ADAMTS9: variants seen among roughly 807,000 people sequenced by gnomAD.
ADAMTS9 encodes A disintegrin and metalloproteinase with thrombospondin motifs 9.
In ADAMTS9, 107 loss-of-function variants were observed where a neutral mutation model predicts 257.1. The ratio of observed to expected loss-of-function variants is 0.42; its 90% CI spans 0.36 to 0.49. ADAMTS9 has a LOEUF of 0.49. Ranked by LOEUF, ADAMTS9 falls within the 20% of genes least tolerant of loss-of-function variation. ADAMTS9 has a pLI of 0.03. For missense variants in ADAMTS9, 2,353 were observed against 2,469.1 expected, an observed-to-expected ratio of 0.95 and a Z score of 1.00; for synonymous variants, 982 against 880.9, an observed-to-expected ratio of 1.11 and a Z score of -2.03.
At chr3:64,602,315 T>C in intron 25 of ADAMTS9, 102 bp from the exon 26 acceptor site, 2 of 1,395,820 alleles carry the variant, frequency 1.4e-6, no homozygotes, top group South Asian at 2.7e-5. Context: ...TTTCCCAAAT[T>C]GCTCAGGCCA....
chr3:64,528,526 C>G (rs114827491), intron 38 of ADAMTS9, among the ~76,000 whole-genome samples: 469 of 152,224 alleles, frequency 3.1e-3, no homozygotes, highest in Non-Finnish European at 5.2e-3. Context: ...CTGAAGTCCA[C>G]CCCCAACCAA....
intron 28 of ADAMTS9, among the ~76,000 whole-genome samples, chr3:64,577,902 T>C (rs2083893131): frequency 1.3e-5 from 2 of 152,218 alleles, no homozygotes; most frequent in African/African-American, 2.4e-5. Flanking sequence ...TTCAGTTGCT[T>C]CCTCCAGTCT....
At chr3:64,655,116 T>C (rs145210754) in intron 6 of ADAMTS9, among the ~76,000 whole-genome samples, 41 of 152,344 alleles carry the variant, frequency 2.7e-4, no homozygotes, top group African/African-American at 9.4e-4. Context: ...TTTTAAAAAA[T>C]TCATTTTTCT....
At chr3:64,585,714 A>G (rs2084131519) in intron 28 of ADAMTS9, among the ~76,000 whole-genome samples, 1 of 152,140 alleles carries the variant, frequency 6.6e-6, no homozygotes, top group South Asian at 2.1e-4. Context: ...CTACTAAATA[A>G]AGAAAATACC....
rs1325421266 is a variant in ADAMTS9, at chr3:64,616,001, C to T, written c.2983G>A (p.Glu995Lys). ...KPSNREKCSG[E>K]CNTGGWRYSA... ...TAGCGCCAGCCACCCGTGTTACATT[C>T]CCCTGAGCATTTTTCACGGTTGCTT... is the stretch of plus-strand genomic sequence containing the variant. Residue 995 changes from glutamate (E) to lysine (K), a missense_variant, in exon 20 of 40, where the codon GAA becomes AAA. Around this residue, in one of 3 missense-constraint regions of ADAMTS9, gnomAD observed 1,402 missense variants for 1,441.4 expected, o/e 0.97. Coordinates refer to ENST00000498707, the MANE Select transcript of ADAMTS9 (RefSeq NM_182920.2). The T allele has an allele frequency of 3.1e-6, 5 of 1,613,766 alleles. No individual in the cohort carries two copies. In the African/African-American group the frequency reaches 5.3e-5, roughly 17 times the overall value.
At chr3:64,573,090 A>T (rs905319854) in intron 28 of ADAMTS9, among the ~76,000 whole-genome samples, 2 of 146,002 alleles carry the variant, frequency 1.4e-5, no homozygotes, top group Non-Finnish European at 3.0e-5. Flanking sequence ...AAAAAAAAAA[A>T]AAAAAAAAAT....
intron 37 of ADAMTS9, 137 bp from the exon 38 acceptor site, chr3:64,533,407 T>C (rs1422713384): frequency 1.6e-5 from 11 of 681,174 alleles, no homozygotes; most frequent in Non-Finnish European, 2.8e-5. Flanking sequence ...TAATTATTGA[T>C]AGTATTTAGT....
chr3:64,517,264 C>T (rs1248974398), intron 39 of ADAMTS9, 143 bp from the exon 40 acceptor site: 1 of 151,890 alleles, frequency 6.6e-6, no homozygotes, highest in East Asian at 1.9e-4. Flanking sequence ...TTTTCTGAGT[C>T]ACAGTCTCAC....
At chr3:64,621,312 GCAA>G (rs1700097941) in intron 18 of ADAMTS9, 72 bp from the exon 19 acceptor site, 3 of 1,494,510 alleles carry the variant, frequency 2.0e-6, no homozygotes, top group Admixed American at 2.0e-5. Context: ...CCCCGGATTG[GCAA>G]GCATTTTCTC....
intron 22 of ADAMTS9, among the ~76,000 whole-genome samples, chr3:64,609,735 C>A (rs1255624603): frequency 6.6e-6 from 1 of 152,036 alleles, no homozygotes; most frequent in Non-Finnish European, 1.5e-5. Context: ...CAGTGAAATC[C>A]CAATCAAAAT....
At chr3:64,681,173 G>C (rs1288621257) in intron 3 of ADAMTS9, 28 bp downstream of exon 3, 1 of 1,601,656 alleles carries the variant, frequency 6.2e-7, no homozygotes, top group Admixed American at 1.7e-5. Context: ...AAAGAGCTGG[G>C]CTCTCCGCTT....
At chr3:64,580,080 G>A (rs966691518) in intron 28 of ADAMTS9, among the ~76,000 whole-genome samples, 3 of 152,098 alleles carry the variant, frequency 2.0e-5, no homozygotes, top group African/African-American at 7.2e-5. Context: ...TCATCTTAGA[G>A]TGACATTTTT....
rs1701909859 is a variant in ADAMTS9, at chr3:64,686,459, G to A, written c.516+109C>T. 1.4e-6 allele frequency: 2 copies of A among 1,381,044 alleles called. No individual in the cohort carries two copies. Among genetic ancestry groups the A allele is most frequent in the Non-Finnish European group, 1.9e-6 (2 of 1,036,566 alleles). 85.5% of individuals were successfully genotyped at this position (1,381,044 alleles called of 1,614,324 possible). On this transcript the variant is annotated intron_variant, in intron 2 of 39. Coordinates refer to ENST00000498707, the MANE Select transcript of ADAMTS9 (RefSeq NM_182920.2). This position sits in a 1 kb window ranked among gnomAD's most constrained non-coding sequence, Gnocchi z 4.6. ...TCTAGCTGATATTTAACGCCGGAGA[G>A]GAGCGGAGCCTCGCCACAGTGAGGG...
intron 3 of ADAMTS9, among the ~76,000 whole-genome samples, chr3:64,679,575 G>T (rs776032781): frequency 1.3e-5 from 2 of 152,128 alleles, no homozygotes; most frequent in Admixed American, 1.3e-4. Context: ...ACCTGTAGCC[G>T]CTTTAGGGGA....
intron 3 of ADAMTS9, among the ~76,000 whole-genome samples, chr3:64,662,081 C>A (rs1389090064): frequency 1.3e-5 from 2 of 151,824 alleles, no homozygotes; most frequent in African/African-American, 4.8e-5. Context: ...TCTTCTAAGC[C>A]CTGCTTTGGC....
At chr3:64,603,033 A>G (rs1202136173) in intron 25 of ADAMTS9, among the ~76,000 whole-genome samples, 2 of 152,212 alleles carry the variant, frequency 1.3e-5, no homozygotes, top group Non-Finnish European at 2.9e-5. Flanking sequence ...TTGGAAGCTC[A>G]AGACATGAGA....
rs1700858015 is a variant in ADAMTS9 at position 64,648,710 on chromosome 3, C to T, written c.1606-666G>A. Among the ~76,000 whole-genome samples, 4 of 152,112 alleles carry T rather than the reference C, an allele frequency of 2.6e-5. No homozygotes were observed. The South Asian group carries it at 8.3e-4, about 32-fold the overall frequency. On this transcript the variant is annotated intron_variant, in intron 10 of 39. Coordinates refer to ENST00000498707, the MANE Select transcript of ADAMTS9 (RefSeq NM_182920.2). Reference sequence around the variant, plus strand: ...CTCCCCTTTTAGAGTTGAGATCATACTTCATAAAATTGTTTATCTTGTTAT... The same window carrying T: ...CTCCCCTTTTAGAGTTGAGATCATATTTCATAAAATTGTTTATCTTGTTAT...
chr3:64,666,612 A>T (rs1352766392), intron 3 of ADAMTS9, among the ~76,000 whole-genome samples: 1 of 151,666 alleles, frequency 6.6e-6, no homozygotes, highest in East Asian at 1.9e-4. Context: ...CCTTCTTTAA[A>T]GCCTCAGTTT....
In ADAMTS9 at chr3:64,527,196, C is replaced by A. The variant is rs185373141; in HGVS notation, c.5719-4936G>T. On this transcript the variant is annotated intron_variant, in intron 38 of 39. Transcript: ENST00000498707. ...TTCCTTAAAACACTAATTTTTATTT[C>A]TTCATTAAAGCAGGCCTTCTAAAAA... Among the ~76,000 whole-genome samples, 93 of 152,274 alleles carry A rather than the reference C, an allele frequency of 6.1e-4. No homozygotes were observed. The East Asian group carries it at 0.011, about 18-fold the overall frequency.
Sources: gnomAD v4.1 joint callset for allele counts (sites outside exome capture counted in the v4.1 genomes callset) on GRCh38, gnomAD v4.1.1 for gene constraint, gnomAD v4.1.1 regional missense constraint, Gnocchi (gnomAD v3.1) non-coding constraint, MANE v1.5 for transcripts, NCBI Gene and HGNC (gene_info 2026-07-23, HGNC 2026-07-21) for gene names.